The following UBFD1 variants were observed in gnomAD, a reference collection of about 807,000 sequenced individuals.
The protein encoded by UBFD1 is ubiquitin domain-containing protein UBFD1.
In UBFD1, 12 loss-of-function variants were observed where a neutral mutation model predicts 35.1. That is an observed-to-expected ratio of 0.34 (90% CI 0.22 to 0.55). The LOEUF is 0.55. Among genes scored for constraint, UBFD1 ranks in the 20% least tolerant of loss-of-function variants. The pLI, the probability that UBFD1 is intolerant of heterozygous loss-of-function variation, is 0.89. For missense variants in UBFD1, 337 were observed against 410.8 expected (o/e 0.82, Z 1.55); for synonymous variants, 178 against 167.6 (o/e 1.06, Z -0.48).
rs1965954701 is a variant in UBFD1, at chr16:23,562,661, A to G, written c.667A>G (p.Asn223Asp). The G allele has an allele frequency of 1.9e-6, 3 of 1,614,140 alleles. No homozygotes were observed. The highest frequency in any genetic ancestry group is 2.5e-6 in the Non-Finnish European group (3 of 1,180,012). The change falls in exon 5 of 7, where the codon AAT becomes GAT. Residue 223 changes from asparagine to aspartate, a missense_variant. Transcript: ENST00000395878. The stretch of plus-strand genomic sequence containing the variant: ...AACGGTACCGCTGTCCGGCATGTAC[A>G]ATAAATCTGGAGGAAAAGTGAGACT... Reference protein sequence around the residue: ...LPTVPLSGMYNKSGGKVRLTF... With the variant: ...LPTVPLSGMYDKSGGKVRLTF...
chr16:23,557,832 TGCGGCCCGGCCCGGGAGGGAGAACC>T (rs1228753282), intron 1 of UBFD1, 65 bp downstream of exon 1: 4 of 1,274,800 alleles, frequency 3.1e-6, no homozygotes, highest in Non-Finnish European at 4.0e-6. Flanking sequence ...CTCTGGGGGA[TGCGGCCCGGCCCGGGAGGGAGAACC>T]GCGGCTCGGG....
At chr16:23,558,368 C>G in intron 2 of UBFD1, 89 bp downstream of exon 2, 1 of 1,482,794 alleles carries the variant, frequency 6.7e-7, no homozygotes, top group Non-Finnish European at 9.0e-7. Flanking sequence ...GCTTTCCTTG[C>G]ATCAGGTCCC....
rs1966091434 is a variant in UBFD1 at position 23,572,011 on chromosome 16, C to T, written c.*1421C>T. The stretch of plus-strand genomic sequence containing the variant: ...TTGGCGAGAAATGTTCCAAACATCA[C>T]ATTTTGGATTCTAGGCTGTCACCCC... On this transcript the variant is annotated 3_prime_UTR_variant, in exon 7 of 7. Coordinates refer to ENST00000395878, the MANE Select transcript of UBFD1 (RefSeq NM_019116.3). 6.6e-6 allele frequency: 1 copy of T among 152,654 alleles called. No individual in the cohort carries two copies. The highest frequency in any genetic ancestry group is 1.5e-5 in the Non-Finnish European group (1 of 68,044). 9.5% of individuals were successfully genotyped at this position (152,654 alleles called of 1,614,324 possible).
intron 6 of UBFD1, chr16:23,568,906 A>G (rs1246967599): frequency 6.6e-6 from 1 of 151,964 alleles, no homozygotes; most frequent in Non-Finnish European, 1.5e-5. Context: ...CTTTTTGAAT[A>G]GTTTGTGTTG....
intron 3 of UBFD1, chr16:23,559,954 G>C: frequency 6.0e-6 from 8 of 1,333,456 alleles, no homozygotes; most frequent in South Asian, 1.5e-5. Flanking sequence ...AATCAGACGT[G>C]GGTTTCTCTC....
At position 23,573,999 on chromosome 16, in the gene UBFD1, A is replaced by G. The variant is rs149610147; in HGVS notation, c.*3409A>G. 306 of 152,378 alleles carry G rather than the reference A, an allele frequency of 2.0e-3. 2 individuals carry two copies. The highest frequency in any genetic ancestry group is 6.7e-3 in the African/African-American group (279 of 41,588). The allele number at this position is 152,378 out of a possible 1,614,324, so 9.4% of individuals were successfully genotyped here. On this transcript the variant is annotated 3_prime_UTR_variant, in exon 7 of 7. Coordinates refer to ENST00000395878, the MANE Select transcript of UBFD1 (RefSeq NM_019116.3). ...AAGGCTTTGTGATAAAGTCATCTCC[A>G]GTTAGGATCTGCACCTGTTTCCTTC... is the stretch of plus-strand genomic sequence containing the variant.
At chr16:23,565,295 G>A (rs1352576114) in intron 5 of UBFD1, 1 of 152,190 alleles carries the variant, frequency 6.6e-6, no homozygotes, top group Admixed American at 6.5e-5. Context: ...GCTAGCTTGT[G>A]TAGGAGGAGG....
At position 23,557,783 on chromosome 16, in the gene UBFD1, G is replaced by T. The variant is rs749025646; in HGVS notation, c.25+16G>T. ...GCCCCGGATGGTGAGTGCGGCGGGGGTGGCGGGCGCCGGGCCGGGGCTGAG... is the reference window on the plus strand; with the variant it reads ...GCCCCGGATGGTGAGTGCGGCGGGGTTGGCGGGCGCCGGGCCGGGGCTGAG... On this transcript the variant is annotated intron_variant, in intron 1 of 6. Coordinates refer to ENST00000395878, the MANE Select transcript of UBFD1 (RefSeq NM_019116.3). The T allele has an allele frequency of 2.3e-6, 3 of 1,281,036 alleles. No individual in the cohort carries two copies. The highest frequency in any genetic ancestry group is 1.5e-5 in the African/African-American group (1 of 64,530). 79.4% of individuals were successfully genotyped at this position (1,281,036 alleles called of 1,614,324 possible).
intron 6 of UBFD1, chr16:23,569,248 A>T (rs1263881676): frequency 6.6e-6 from 1 of 152,094 alleles, no homozygotes; most frequent in Non-Finnish European, 1.5e-5. Context: ...TTTTTAGAGA[A>T]ATGTTTTTAA....
rs547632301 is a variant in UBFD1, at chr16:23,560,101, G to A, written c.564+425G>A. ...CTAGGCATGGAAATCAACAACTCTC[G>A]GAGGTTCCCCTAAAGCTGACCGTTT... On this transcript the variant is annotated intron_variant, in intron 3 of 6. Coordinates refer to ENST00000395878, the MANE Select transcript of UBFD1 (RefSeq NM_019116.3). Among the ~76,000 whole-genome samples, 32 of 152,242 alleles carry A rather than the reference G, an allele frequency of 2.1e-4. 1 individual carries two copies. The South Asian group carries it at 6.0e-3, about 29-fold the overall frequency.
chr16:23,562,107 C>T (rs1965944008), intron 3 of UBFD1, 99 bp from the exon 4 acceptor site: 1 of 1,147,842 alleles, frequency 8.7e-7, no homozygotes, highest in Non-Finnish European at 1.3e-6. Flanking sequence ...AGCTTTTGAG[C>T]CAAAACACTA....
chr16:23,563,502 A>G (rs1196125170), intron 5 of UBFD1, among the ~76,000 whole-genome samples: 1 of 152,020 alleles, frequency 6.6e-6, no homozygotes, highest in African/African-American at 2.4e-5. Context: ...TCTTTGCCAC[A>G]CTGTTGTGCC....
chr16:23,557,800 G>A (rs932745835), intron 1 of UBFD1, 33 bp downstream of exon 1: 24 of 1,274,214 alleles, frequency 1.9e-5, no homozygotes, highest in African/African-American at 4.7e-5. Flanking sequence ...GCGCCGGGCC[G>A]GGGCTGAGGT....
chr16:23,562,365 T>TG, intron 4 of UBFD1, 94 bp downstream of exon 4: 2 of 1,216,128 alleles, frequency 1.6e-6, no homozygotes, highest in Non-Finnish European at 2.3e-6. Context: ...CTTTTTTCCC[T>TG]GTTTTTTTTT....
At chr16:23,557,861 G>C (rs1597034045) in intron 1 of UBFD1, 89 bp from the exon 2 acceptor site, 3 of 1,272,608 alleles carry the variant, frequency 2.4e-6, no homozygotes, top group African/African-American at 3.1e-5. Flanking sequence ...GAGAACCGCG[G>C]CTCGGGAACG....
At position 23,559,516 on chromosome 16, in the gene UBFD1, A is replaced by T; in HGVS notation, c.404A>T (p.Glu135Val). The T allele has an allele frequency of 1.9e-6, 3 of 1,614,124 alleles. No homozygotes were observed. The highest frequency in any genetic ancestry group is 2.5e-6 in the Non-Finnish European group (3 of 1,180,028). Residue 135 changes from glutamate (E) to valine (V), a missense_variant, in exon 3 of 7, where the codon GAG (glutamate) becomes GTG (valine). Physicochemically the swap from Glu to Val is moderately radical, Grantham distance 121. Coordinates refer to ENST00000395878, the MANE Select transcript of UBFD1 (RefSeq NM_019116.3). The part of the protein sequence containing the change: ...QKVMYKGLVP[E>V]DKTLREIKVT... ...GTCATGTATAAGGGACTCGTCCCCG[A>T]GGATAAAACATTGAGAGAAATAAAA... is the stretch of plus-strand genomic sequence containing the variant.
chr16:23,559,749 T>C, intron 3 of UBFD1, 73 bp downstream of exon 3: 1 of 1,593,488 alleles, frequency 6.3e-7, no homozygotes, highest in Non-Finnish European at 8.5e-7. Flanking sequence ...CTGGTTATAT[T>C]CTCCCTAGAA....
At chr16:23,570,434 C>T (rs1414662612) in intron 6 of UBFD1, 46 bp from the exon 7 acceptor site, 1 of 1,456,656 alleles carries the variant, frequency 6.9e-7, no homozygotes, top group South Asian at 1.1e-5. Flanking sequence ...CCTGCTTGGT[C>T]TCCCGACCTC....
intron 1 of UBFD1, 54 bp downstream of exon 1, chr16:23,557,821 C>A: frequency 7.8e-7 from 1 of 1,278,174 alleles, no homozygotes; most frequent in South Asian, 3.3e-5. Flanking sequence ...TGCGGTCGCT[C>A]CTCTGGGGGA....
Sources: gnomAD v4.1 joint callset for allele counts (sites outside exome capture counted in the v4.1 genomes callset) on GRCh38, gnomAD v4.1.1 for gene constraint, MANE v1.5 for transcripts, NCBI Gene and HGNC (gene_info 2026-07-23, HGNC 2026-07-21) for gene names.